Variants in LHFPL4 observed in about 807,000 individuals in gnomAD.
LHFPL4 encodes the protein LHFPL tetraspan subfamily member 4 protein.
In LHFPL4, 6 loss-of-function variants were observed where a neutral mutation model predicts 20.0. That is an observed-to-expected ratio of 0.30 (90% CI 0.16 to 0.59). The LOEUF is 0.59. Ranked by LOEUF, LHFPL4 falls within the 20% of genes least tolerant of loss-of-function variation. The probability of loss-of-function intolerance (pLI) is 0.88; values close to 1 mark genes in which losing one functional copy is unlikely to be tolerated. For synonymous variants in LHFPL4, 129 were observed against 143.8 expected (o/e 0.90, Z 0.74); for missense variants, 215 against 331.2 (o/e 0.65, Z 2.72).
At chr3:9,551,349 C>T (rs2046552836) in intron 2 of LHFPL4, among the ~76,000 whole-genome samples, 1 of 142,864 alleles carries the variant, frequency 7.0e-6, no homozygotes, top group South Asian at 2.5e-4. Context: ...CCCCTCCCAT[C>T]CCCTGGCCCC....
chr3:9,540,710 T>C (rs1006424074), intron 2 of LHFPL4, among the ~76,000 whole-genome samples: 3 of 150,602 alleles, frequency 2.0e-5, no homozygotes, highest in Admixed American at 2.0e-4. Context: ...CTGGGCAACA[T>C]AGCAAGAATC....
At position 9,501,936 on chromosome 3, in the gene LHFPL4, AGAG is replaced by A. The variant is rs763060554; in HGVS notation, c.*272_*274del. On this transcript the variant is annotated 3_prime_UTR_variant, in exon 4 of 4. Coordinates refer to ENST00000287585, the MANE Select transcript of LHFPL4 (RefSeq NM_198560.3). Reference sequence around the variant, plus strand: ...GGACCTCCAGGCCAGTCTAGAGAGGAGAGGAGAAGCCCAAGGGCCTACGCAGAT... The same window carrying A: ...GGACCTCCAGGCCAGTCTAGAGAGGAGAGAAGCCCAAGGGCCTACGCAGAT... 1 of 464,626 alleles carries A rather than the reference AGAG, an allele frequency of 2.2e-6. No homozygotes were observed. Among genetic ancestry groups the A allele is most frequent in the Non-Finnish European group, 3.9e-6 (1 of 254,252 alleles). 28.8% of individuals were successfully genotyped at this position (464,626 alleles called of 1,614,324 possible). A position where few individuals can be genotyped will look rare whatever the true frequency, so the allele number is the denominator to read the frequency against.
chr3:9,507,713 G>C (rs905741305), intron 2 of LHFPL4, among the ~76,000 whole-genome samples: 16 of 152,336 alleles, frequency 1.1e-4, no homozygotes, highest in Admixed American at 7.2e-4. Flanking sequence ...TCCCCGCCCA[G>C]GTGGGCCCTT....
intron 3 of LHFPL4, 51 bp downstream of exon 3, chr3:9,505,916 C>A: frequency 6.6e-7 from 1 of 1,526,416 alleles, no homozygotes; most frequent in South Asian, 1.1e-5. Context: ...TCCTGCCTCC[C>A]AGGACCAGGC....
In LHFPL4 at chr3:9,552,738, G is replaced by A. The variant is rs2046564644; in HGVS notation, c.-59C>T. 9 of 1,055,112 alleles carry A rather than the reference G, an allele frequency of 8.5e-6. No individual in the cohort carries two copies. In the South Asian group the frequency reaches 3.6e-4, roughly 43 times the overall value. The allele number at this position is 1,055,112 out of a possible 1,614,324, so 65.4% of individuals were successfully genotyped here. A position where few individuals can be genotyped will look rare whatever the true frequency, so the allele number is the denominator to read the frequency against. ...CTGGCGGGGGCCGCCGGCCCGGGAC[G>A]GAGCGCCGGGCTGCCGGGCGGGAGC... On this transcript the variant is annotated 5_prime_UTR_variant, in exon 2 of 4. Transcript: ENST00000287585.
chr3:9,538,357 G>A (rs2046456054), intron 2 of LHFPL4, among the ~76,000 whole-genome samples: 1 of 152,074 alleles, frequency 6.6e-6, no homozygotes, highest in Non-Finnish European at 1.5e-5. Context: ...CCCTCCATAA[G>A]CCAGCCCTAA....
intron 2 of LHFPL4, among the ~76,000 whole-genome samples, chr3:9,531,672 G>A (rs2046409686): frequency 1.3e-5 from 2 of 152,020 alleles, no homozygotes; most frequent in Non-Finnish European, 2.9e-5. Flanking sequence ...TGTGTGGTGC[G>A]CACCTGTAAT....
chr3:9,509,556 C>A (rs1363784652), intron 2 of LHFPL4, among the ~76,000 whole-genome samples: 1 of 152,128 alleles, frequency 6.6e-6, no homozygotes, highest in Non-Finnish European at 1.5e-5. Context: ...ATACAGCCAA[C>A]AAGTCAACAC....
intron 2 of LHFPL4, among the ~76,000 whole-genome samples, chr3:9,540,210 CTA>C (rs948063614): frequency 2.2e-4 from 34 of 152,116 alleles, no homozygotes; most frequent in African/African-American, 8.2e-4. Context: ...TGTGATGCAC[CTA>C]TAGAAAAGTT....
At chr3:9,542,703 G>T (rs912370649) in intron 2 of LHFPL4, among the ~76,000 whole-genome samples, 14 of 151,684 alleles carry the variant, frequency 9.2e-5, no homozygotes, top group Non-Finnish European at 2.1e-4. Context: ...CAGCTACTTG[G>T]GAGGCTGAGA....
chr3:9,546,186 G>A (rs1315113749), intron 2 of LHFPL4, among the ~76,000 whole-genome samples: 1 of 151,696 alleles, frequency 6.6e-6, no homozygotes, highest in Admixed American at 6.6e-5. Context: ...GTGGTGGCAC[G>A]TGCCTGTAAT....
chr3:9,526,650 C>T (rs1405977042), intron 2 of LHFPL4, among the ~76,000 whole-genome samples: 1 of 152,112 alleles, frequency 6.6e-6, no homozygotes, highest in Non-Finnish European at 1.5e-5. Flanking sequence ...AAACAGGGTA[C>T]CTGCAGATAT....
At chr3:9,524,770 C>T (rs1040869443) in intron 2 of LHFPL4, among the ~76,000 whole-genome samples, 1 of 152,164 alleles carries the variant, frequency 6.6e-6, no homozygotes, top group African/African-American at 2.4e-5. Context: ...TTTGCTCTGT[C>T]TCTTCAAACT....
chr3:9,546,191 T>A (rs1397025779), intron 2 of LHFPL4, among the ~76,000 whole-genome samples: 1 of 151,506 alleles, frequency 6.6e-6, no homozygotes, highest in African/African-American at 2.4e-5. Flanking sequence ...GGCACGTGCC[T>A]GTAATCCCAG....
intron 2 of LHFPL4, among the ~76,000 whole-genome samples, chr3:9,516,683 A>G (rs2046304490): frequency 6.6e-6 from 1 of 151,736 alleles, no homozygotes; most frequent in Non-Finnish European, 1.5e-5. Context: ...CATGTTGGCT[A>G]GGCTGGTCTC....
intron 2 of LHFPL4, among the ~76,000 whole-genome samples, chr3:9,523,674 T>C (rs1050706023): frequency 2.0e-5 from 3 of 152,080 alleles, no homozygotes; most frequent in Non-Finnish European, 2.9e-5. Context: ...GGTTTTACCA[T>C]GTTGGCCAGG....
chr3:9,533,828 G>A (rs2046427252), intron 2 of LHFPL4, among the ~76,000 whole-genome samples: 3 of 151,870 alleles, frequency 2.0e-5, no homozygotes, highest in Admixed American at 2.0e-4. Context: ...GACTGGAAGG[G>A]GGAATGAGGT....
chr3:9,548,379 CT>C (rs2046531093), intron 2 of LHFPL4, among the ~76,000 whole-genome samples: 1 of 152,222 alleles, frequency 6.6e-6, no homozygotes, highest in African/African-American at 2.4e-5. Flanking sequence ...ACCCAGCATA[CT>C]GTGGCCCCCA....
chr3:9,527,297 C>T (rs780698000), intron 2 of LHFPL4, among the ~76,000 whole-genome samples: 4 of 152,054 alleles, frequency 2.6e-5, no homozygotes, highest in African/African-American at 7.2e-5. Flanking sequence ...GACCAGGCAT[C>T]GTGGCTCATG....
Sources: gnomAD v4.1 joint callset for allele counts (sites outside exome capture counted in the v4.1 genomes callset) on GRCh38, gnomAD v4.1.1 for gene constraint, MANE v1.5 for transcripts, NCBI Gene and HGNC (gene_info 2026-07-23, HGNC 2026-07-21) for gene names.